PRELID2: variants seen among roughly 807,000 people sequenced by gnomAD.
PRELID2 encodes PRELI domain-containing protein 2.
In PRELID2, 25 loss-of-function variants were observed where a neutral mutation model predicts 28.4. The observed-to-expected ratio is 0.88, with a 90% confidence interval of 0.64 to 1.23. The LOEUF (loss-of-function observed/expected upper bound fraction) is 1.23, where lower values mean the gene tolerates loss of function less well. Among genes scored for constraint, PRELID2 ranks in the 50% most tolerant of loss-of-function variants. The pLI, the probability that PRELID2 is intolerant of heterozygous loss-of-function variation, is 0.00. For synonymous variants in PRELID2, 76 were observed against 71.6 expected (o/e 1.06, Z -0.31); for missense variants, 201 against 214.4 (o/e 0.94, Z 0.39).
intron 1 of PRELID2, among the ~76,000 whole-genome samples, chr5:145,734,880 A>G (rs926847826): frequency 6.6e-6 from 1 of 152,218 alleles, no homozygotes; most frequent in African/African-American, 2.4e-5. Flanking sequence ...GTGAAAGCTT[A>G]GGCTTTTAAG....
chr5:145,581,089 C>T (rs1753103834), intron 1 of PRELID2, among the ~76,000 whole-genome samples: 1 of 151,972 alleles, frequency 6.6e-6, no homozygotes, highest in Non-Finnish European at 1.5e-5. Flanking sequence ...AGACTTTTGT[C>T]TCTGTTGGCC....
chr5:145,828,832 C>CTTTTTT (rs67543120), intron 1 of PRELID2, among the ~76,000 whole-genome samples: 31 of 68,250 alleles, frequency 4.5e-4, no homozygotes, highest in Non-Finnish European at 5.0e-4. Flanking sequence ...TGAAAAAAAT[C>CTTTTTT]TTTTTTTTTT....
chr5:145,747,097 A>G (rs956111183), intron 1 of PRELID2, among the ~76,000 whole-genome samples: 4 of 152,124 alleles, frequency 2.6e-5, no homozygotes, highest in Non-Finnish European at 5.9e-5. Flanking sequence ...TCTCAAATCA[A>G]CACCCTAACA....
At position 145,492,967 on chromosome 5, in the gene PRELID2, G is replaced by A. The variant is rs572698660; in HGVS notation, n.71-19652C>T. ...GCCCAGTGTTGGGGTAAAAGTCAAT[G>A]TTCTGTATTCACTTCCCTCTCTTTG... On this transcript the variant is annotated intron_variant and non_coding_transcript_variant, in intron 1 of 2. Coordinates refer to the PRELID2 transcript ENST00000510259. 2.8e-5 allele frequency among the ~76,000 whole-genome samples: 4 copies of A among 140,614 alleles called. 1 individual carries two copies. The highest frequency in any genetic ancestry group is 6.4e-5 in the Non-Finnish European group (4 of 62,492). The allele number at this position is 140,614 out of a possible 152,430, so 92.2% of individuals were successfully genotyped here. A position where few individuals can be genotyped will look rare whatever the true frequency, so the allele number is the denominator to read the frequency against.
chr5:145,663,719 G>A (rs994873370), intron 1 of PRELID2, among the ~76,000 whole-genome samples: 4 of 152,018 alleles, frequency 2.6e-5, no homozygotes, highest in Non-Finnish European at 5.9e-5. Flanking sequence ...TCCTAACCCC[G>A]ACTTCATCAC....
At position 145,745,945 on chromosome 5, in the gene PRELID2, C is replaced by T. The variant is rs144366792; in HGVS notation, n.70+18986G>A. Among the ~76,000 whole-genome samples the T allele has an allele frequency of 1.2e-3, 190 of 152,118 alleles. 1 individual carries two copies. Among genetic ancestry groups the T allele is most frequent in the African/African-American group, 4.2e-3 (175 of 41,492 alleles). ...TTCATCAGCAAAGGAAAATAAAATC[C>T]TTTCCAGACAAGCAAATGCTAAGGG... On this transcript the variant is annotated intron_variant and non_coding_transcript_variant, in intron 1 of 2. Transcript: ENST00000510259.
chr5:145,335,633 A>T, the PRELID2 span, among the ~76,000 whole-genome samples: 1 of 152,186 alleles, frequency 6.6e-6, no homozygotes. Flanking sequence ...GGAAAAATTT[A>T]AAAATACCTT....
At chr5:145,740,294 A>ATATATATT (rs1756627619) in intron 1 of PRELID2, among the ~76,000 whole-genome samples, 7 of 95,106 alleles carry the variant, frequency 7.4e-5, no homozygotes, top group African/African-American at 3.0e-4. Context: ...ATATATATAT[A>ATATATATT]TATATATATA....
chr5:145,279,444 G>C, the PRELID2 span, among the ~76,000 whole-genome samples: 4 of 152,234 alleles, frequency 2.6e-5, no homozygotes, highest in East Asian at 7.7e-4. Flanking sequence ...TTTTAGGCCA[G>C]CTTCTTAACC....
intron 1 of PRELID2, among the ~76,000 whole-genome samples, chr5:145,523,165 A>G (rs894450044): frequency 1.3e-5 from 2 of 152,200 alleles, no homozygotes; most frequent in African/African-American, 4.8e-5. Flanking sequence ...TACGATTTAT[A>G]TGACTCAGAA....
intron 1 of PRELID2, among the ~76,000 whole-genome samples, chr5:145,639,020 C>T (rs1447452733): frequency 2.0e-5 from 3 of 152,046 alleles, no homozygotes; most frequent in African/African-American, 7.2e-5. Flanking sequence ...GTATTTTGGA[C>T]CTAAGAGTAT....
chr5:145,493,590 GTC>G (rs1000027025), intron 1 of PRELID2, among the ~76,000 whole-genome samples: 2 of 152,092 alleles, frequency 1.3e-5, no homozygotes, highest in Non-Finnish European at 1.5e-5. Context: ...CACCTCCCAA[GTC>G]TCTGCTCCCA....
intron 1 of PRELID2, among the ~76,000 whole-genome samples, chr5:145,733,938 A>C (rs10041421): frequency 0.82 from 123,961 of 151,996 alleles, 50,974 homozygotes; most frequent in East Asian, 0.88. Context: ...GCCCTTATAA[A>C]AGAGAAGTGG....
chr5:145,557,895 T>A (rs529742345), intron 1 of PRELID2, among the ~76,000 whole-genome samples: 1 of 152,312 alleles, frequency 6.6e-6, no homozygotes, highest in South Asian at 2.1e-4. Flanking sequence ...CCAAAATGGC[T>A]TATTGATGAA....
chr5:145,443,094 T>C, the PRELID2 span, among the ~76,000 whole-genome samples: 2 of 152,028 alleles, frequency 1.3e-5, no homozygotes, highest in Non-Finnish European at 2.9e-5. Flanking sequence ...CTTGATGATG[T>C]GAAACCTCCC....
At chr5:145,815,659 C>A (rs1200110180) in intron 4 of PRELID2, among the ~76,000 whole-genome samples, 1 of 152,194 alleles carries the variant, frequency 6.6e-6, no homozygotes, top group South Asian at 2.1e-4. Context: ...TGGACCCATA[C>A]AATATGTGGC....
At chr5:145,308,244 T>C in the PRELID2 span, among the ~76,000 whole-genome samples, 2 of 152,204 alleles carry the variant, frequency 1.3e-5, no homozygotes, top group Non-Finnish European at 2.9e-5. Flanking sequence ...ATATATATCC[T>C]GTCCATATGG....
chr5:145,835,225 C>G lies in PRELID2; in HGVS notation c.27G>C (p.Gln9His). 1 of 1,548,672 alleles carries G rather than the reference C, an allele frequency of 6.5e-7. No individual in the cohort carries two copies. The highest frequency in any genetic ancestry group is 8.7e-7 in the Non-Finnish European group (1 of 1,145,696). Residue 9 changes from glutamine to histidine, a missense_variant, in exon 1 of 7, where the codon CAG becomes CAC. Physicochemically the swap from Gln to His is conservative, Grantham distance 24. Transcript: ENST00000683046. ...CCTGCTCGAAGGGGTACTTGTACAC[C>G]TGGTGCACATCCACCGAGACCCCCA... MGVSVDVH[Q>H]VYKYPFEQVV...
At chr5:145,378,040 C>G in the PRELID2 span, among the ~76,000 whole-genome samples, 7 of 152,236 alleles carry the variant, frequency 4.6e-5, no homozygotes, top group African/African-American at 1.4e-4. Flanking sequence ...TATTTCTCCT[C>G]ATTTATGAAG....
Sources: allele counts gnomAD v4.1 joint callset (sites outside exome capture counted in the v4.1 genomes callset), GRCh38; gene constraint gnomAD v4.1.1; transcripts MANE v1.5; gene names NCBI Gene and HGNC (gene_info 2026-07-23, HGNC 2026-07-21).